Variants in PALLD observed in about 807,000 individuals in gnomAD.
The protein encoded by PALLD is palladin, cytoskeletal associated protein.
Under a neutral mutation model 123.5 loss-of-function variants are expected in PALLD, and 61 were observed. The ratio of observed to expected loss-of-function variants is 0.49; its 90% confidence interval spans 0.40 to 0.61. The LOEUF (loss-of-function observed/expected upper bound fraction) is 0.61, where lower values mean the gene tolerates loss of function less well. Among genes scored for constraint, PALLD ranks in the 20% least tolerant of loss-of-function variants. The probability of loss-of-function intolerance (pLI) is 0.00; values close to 1 mark genes in which losing one functional copy is unlikely to be tolerated. For synonymous variants in PALLD, 465 were observed against 496.4 expected (o/e 0.94, Z 0.84); for missense variants, 1,273 against 1,377.0 (o/e 0.92, Z 1.20).
In PALLD at chr4:168,522,445, T is replaced by G. The variant is rs1442901846; in HGVS notation, c.908+10033T>G. On this transcript the variant is annotated intron_variant, in intron 2 of 21. Coordinates refer to ENST00000505667, the MANE Select transcript of PALLD (RefSeq NM_001166108.2). ...TAGTTGTTTTGAAAGAATTTGACCC[T>G]GAAGTTTCAGATACCTTCACAGTCA... Among the ~76,000 whole-genome samples, 3 of 152,376 alleles carry G rather than the reference T, an allele frequency of 2.0e-5. No individual in the cohort carries two copies. The East Asian group carries it at 5.8e-4, about 29-fold the overall frequency.
At chr4:168,521,426 G>A (rs1281272442) in intron 2 of PALLD, among the ~76,000 whole-genome samples, 3 of 151,886 alleles carry the variant, frequency 2.0e-5, no homozygotes, top group Non-Finnish European at 4.4e-5. Context: ...CCACCTCTAG[G>A]GTAATTATGA....
rs1762646198 is a variant in PALLD at position 168,926,930 on chromosome 4, G to GCATTT, written c.*750_*751insCATTT. On this transcript the variant is annotated 3_prime_UTR_variant, in exon 22 of 22. Transcript: ENST00000505667. ...AAATGTTTTTATATTAAATCATAAG[G>GCATTT]AAGGAACTACTTGCCTTAAATGTTA... 1 of 219,408 alleles carries GCATTT rather than the reference G, an allele frequency of 4.6e-6. No homozygotes were observed. The highest frequency in any genetic ancestry group is 2.3e-5 in the African/African-American group (1 of 44,140). 13.6% of individuals were successfully genotyped at this position (219,408 alleles called of 1,614,324 possible). A position where few individuals can be genotyped will look rare whatever the true frequency, so the allele number is the denominator to read the frequency against.
At chr4:168,682,872 C>T (rs896399539) in intron 4 of PALLD, 126 bp from the exon 5 acceptor site, 3 of 633,134 alleles carry the variant, frequency 4.7e-6, no homozygotes, top group Non-Finnish European at 5.7e-6. Flanking sequence ...AAGCGGATTG[C>T]GTATACAAAA....
At chr4:168,761,658 T>TTGTTTGTTTTTTTTTTTTTTTTTTTTTG (rs1554078427) in intron 10 of PALLD, among the ~76,000 whole-genome samples, 1 of 43,072 alleles carries the variant, frequency 2.3e-5, no homozygotes. Flanking sequence ...TTTTTTTTTT[T>TTGTTTGTTTTTTTTTTTTTTTTTTTTTG]TTTTTTTTTT....
intron 2 of PALLD, among the ~76,000 whole-genome samples, chr4:168,543,794 C>A (rs1044498353): frequency 6.6e-6 from 1 of 152,108 alleles, no homozygotes; most frequent in Non-Finnish European, 1.5e-5. Context: ...GACTGCATTT[C>A]ATTGCTAAAG....
chr4:168,811,430 G>T (rs938210100), intron 10 of PALLD, among the ~76,000 whole-genome samples: 3 of 152,082 alleles, frequency 2.0e-5, no homozygotes, highest in Non-Finnish European at 4.4e-5. Flanking sequence ...TAATCAGTAG[G>T]TATTCAAAAA....
intron 2 of PALLD, among the ~76,000 whole-genome samples, chr4:168,651,714 GAA>G (rs1170551139): frequency 6.6e-6 from 1 of 152,070 alleles, no homozygotes; most frequent in African/African-American, 2.4e-5. Context: ...TGCTTTACAA[GAA>G]GAAGAGGTAG....
chr4:168,846,678 T>G (rs2150955151), intron 10 of PALLD, among the ~76,000 whole-genome samples: 1 of 152,258 alleles, frequency 6.6e-6, no homozygotes, highest in Admixed American at 6.5e-5. Flanking sequence ...TAAATCACAG[T>G]CTACCCAGAG....
chr4:168,618,099 C>T (rs140162977), intron 2 of PALLD, among the ~76,000 whole-genome samples: 3 of 152,168 alleles, frequency 2.0e-5, no homozygotes, highest in African/African-American at 4.8e-5. Context: ...GAGGCCACTA[C>T]GAAGTGAGAG....
intron 10 of PALLD, among the ~76,000 whole-genome samples, chr4:168,750,362 C>T (rs372883725): frequency 9.5e-4 from 144 of 152,224 alleles, no homozygotes; most frequent in Non-Finnish European, 1.4e-3. Flanking sequence ...AAATTTTGTT[C>T]TTTTTTATGG....
At chr4:168,866,135 C>T (rs972101795) in intron 10 of PALLD, among the ~76,000 whole-genome samples, 1 of 151,778 alleles carries the variant, frequency 6.6e-6, no homozygotes, top group Non-Finnish European at 1.5e-5. Flanking sequence ...TGTGGTGGCA[C>T]ACACCAGTAG....
In PALLD at chr4:168,707,824, G is replaced by A. The variant is rs145045114; in HGVS notation, c.1502-1204G>A. The stretch of plus-strand genomic sequence containing the variant: ...CAATAGAATCACTTTGTGGGAACCC[G>A]AAATATATCACTTTTCTTAACGTTT... On this transcript the variant is annotated intron_variant, in intron 8 of 21. Coordinates refer to ENST00000505667, the MANE Select transcript of PALLD (RefSeq NM_001166108.2). Among the ~76,000 whole-genome samples the A allele has an allele frequency of 8.7e-3, 1,317 of 152,246 alleles. 18 individuals are homozygous for A. The highest frequency in any genetic ancestry group is 0.027 in the Middle Eastern group (8 of 294).
intron 10 of PALLD, among the ~76,000 whole-genome samples, chr4:168,887,106 G>C (rs1033607622): frequency 2.7e-5 from 3 of 111,262 alleles, no homozygotes; most frequent in Admixed American, 2.6e-4. Flanking sequence ...AACAGAGTGA[G>C]ACTCTGTCTC....
At chr4:168,711,981 T>A in intron 10 of PALLD, 58 bp downstream of exon 10, 1 of 1,493,934 alleles carries the variant, frequency 6.7e-7, no homozygotes, top group Non-Finnish European at 9.3e-7. Flanking sequence ...ATTTCCTGTC[T>A]GGTGAGAAAA....
chr4:168,675,879 A>AC (rs1385000877), intron 3 of PALLD, among the ~76,000 whole-genome samples: 2 of 151,696 alleles, frequency 1.3e-5, no homozygotes, highest in Admixed American at 6.6e-5. Flanking sequence ...ACATAGTGAG[A>AC]CCCCCATCTC....
rs142279123 is a variant in PALLD at position 168,646,470 on chromosome 4, T to C, written c.909-21720T>C. On this transcript the variant is annotated intron_variant, in intron 2 of 21. Transcript: ENST00000505667. ...AGCTCTGTAATTCTGGAGATAACAGTCCATCAGTCTCTACTTACAACTTTA... is the reference window on the plus strand; with the variant it reads ...AGCTCTGTAATTCTGGAGATAACAGCCCATCAGTCTCTACTTACAACTTTA... 5.3e-5 allele frequency among the ~76,000 whole-genome samples: 8 copies of C among 152,266 alleles called. No individual in the cohort carries two copies. In the East Asian group the frequency reaches 1.5e-3, roughly 29 times the overall value.
chr4:168,639,719 A>AT (rs372817214), intron 2 of PALLD, among the ~76,000 whole-genome samples: 166 of 151,510 alleles, frequency 1.1e-3, no homozygotes, highest in South Asian at 3.3e-3. Flanking sequence ...AATTTTTTGT[A>AT]TTTTTTAGTA....
rs760669410 is a variant in PALLD, at chr4:168,913,913, T to G, written c.2623-14T>G. The G allele has an allele frequency of 5.1e-6, 8 of 1,558,578 alleles. No individual in the cohort carries two copies. Among genetic ancestry groups the G allele is most frequent in the South Asian group, 3.3e-5 (3 of 89,960 alleles). On this transcript the variant is annotated splice_polypyrimidine_tract_variant and intron_variant, in intron 15 of 21. Coordinates refer to ENST00000505667, the MANE Select transcript of PALLD (RefSeq NM_001166108.2). ...TTTAAATAGCAAATCATTTATTTCC[T>G]GATATTTCTACAGGGCCGCATCAGT...
At chr4:168,876,012 G>T (rs1456917755) in intron 10 of PALLD, among the ~76,000 whole-genome samples, 1 of 152,232 alleles carries the variant, frequency 6.6e-6, no homozygotes, top group African/African-American at 2.4e-5. Flanking sequence ...TTTGGCCATT[G>T]TGAGCCCAGG....
Sources: gnomAD v4.1 joint callset for allele counts (sites outside exome capture counted in the v4.1 genomes callset) on GRCh38, gnomAD v4.1.1 for gene constraint, MANE v1.5 for transcripts, NCBI Gene and HGNC (gene_info 2026-07-23, HGNC 2026-07-21) for gene names.